Variants in PRSS41 observed in about 807,000 individuals in gnomAD.
PRSS41 encodes serine protease 41.
A neutral mutation model predicts 28.8 loss-of-function variants in PRSS41; 37 were observed. The ratio of observed to expected loss-of-function variants is 1.29; its 90% confidence interval spans 0.99 to 1.69. The LOEUF is 1.69. PRSS41 is among the 40% of genes most tolerant of loss of function. The pLI, the probability that PRSS41 is intolerant of heterozygous loss-of-function variation, is 0.00. For missense variants in PRSS41, 431 were observed against 400.7 expected (o/e 1.08, Z -0.65); for synonymous variants, 195 against 163.1 (o/e 1.20, Z -1.49).
At chr16:2,799,519 A>G (rs1450624801) in exon 4 of PRSS41, 4 of 1,551,820 alleles carry the variant, frequency 2.6e-6, no homozygotes, top group East Asian at 2.4e-5. Flanking sequence ...AACTTCGTGC[A>G]CCGGCCGGAC....
exon 5 of PRSS41, chr16:2,804,487 A>G (rs2069007940): frequency 6.4e-7 from 1 of 1,551,580 alleles, no homozygotes; most frequent in South Asian, 1.2e-5. Flanking sequence ...TAGCCGTAGT[A>G]TGATCTGGGA....
chr16:2,799,616 G>A, intron 4 of PRSS41, 47 bp downstream of exon 4: 1 of 1,528,554 alleles, frequency 6.5e-7, no homozygotes, highest in Non-Finnish European at 8.8e-7. Context: ...TGCGGGGTGA[G>A]CATTACCCTC....
At chr16:2,799,063 C>G (rs922319711) in exon 3 of PRSS41, 7 of 1,533,786 alleles carry the variant, frequency 4.6e-6, no homozygotes, top group Non-Finnish European at 6.1e-6. Flanking sequence ...GAGACGCCAC[C>G]GATGTGGAGG....
intron 4 of PRSS41, among the ~76,000 whole-genome samples, chr16:2,800,542 C>CAAAAAAAAAAAA (rs56393015): frequency 1.2e-5 from 1 of 81,950 alleles, no homozygotes; most frequent in Non-Finnish European, 2.7e-5. Flanking sequence ...GACTCCATCT[C>CAAAAAAAAAAAA]AAAAAAAAAA....
In PRSS41 at chr16:2,804,457, T is replaced by A. The variant is rs150587284; in HGVS notation, c.610T>A (p.Tyr204Asn). The change falls in exon 5 of 6, where the codon TAC (tyrosine) becomes AAC (asparagine). Residue 204 changes from tyrosine (Y) to asparagine (N), a missense_variant. By Grantham distance (143) the Tyr-to-Asn change is moderately radical. Transcript: ENST00000399677. The stretch of plus-strand genomic sequence containing the variant: ...CATCTTAAACAACACCAGGTGTAAT[T>A]ACCTGTTTGAACAGCCCTCTAGCCG... 1.3e-4 allele frequency: 202 copies of A among 1,551,638 alleles called. No homozygotes were observed. In the African/African-American group the frequency reaches 2.5e-3, roughly 19 times the overall value.
At chr16:2,801,336 ATTTTTTT>A (rs777421981) in intron 4 of PRSS41, among the ~76,000 whole-genome samples, 1 of 138,834 alleles carries the variant, frequency 7.2e-6, no homozygotes, top group Non-Finnish European at 1.6e-5. Flanking sequence ...TTGGACTCTT[ATTTTTTT>A]TTTTAATTTT....
chr16:2,802,860 GGGGAGAGGGAGAGGGAGA>G lies in PRSS41; in HGVS notation c.542-1512_542-1495del, dbSNP rs373843276. ...CGGCTCCGCATGAGAGGGAGACCGT[GGGGAGAGGGAGAGGGAGA>G]GGGAGAGGGAGAGGGACGTTCTTGG... is the stretch of plus-strand genomic sequence containing the variant. On this transcript the variant is annotated intron_variant, in intron 4 of 5. Coordinates refer to ENST00000399677, the Ensembl canonical transcript of PRSS41. 3.9e-3 allele frequency among the ~76,000 whole-genome samples: 578 copies of G among 150,074 alleles called. 4 individuals carry two copies. Among genetic ancestry groups the G allele is most frequent in the African/African-American group, 0.014 (548 of 40,380 alleles).
At chr16:2,802,760 A>G (rs1031888875) in intron 4 of PRSS41, among the ~76,000 whole-genome samples, 14 of 152,152 alleles carry the variant, frequency 9.2e-5, no homozygotes, top group East Asian at 3.9e-4. Flanking sequence ...AATCGCAGGC[A>G]CTCGGCAGGC....
chr16:2,798,854 C>T, intron 2 of PRSS41, 105 bp from the exon 3 acceptor site: 2 of 1,338,678 alleles, frequency 1.5e-6, no homozygotes, highest in Non-Finnish European at 1.9e-6. Flanking sequence ...GCGCGGTTCC[C>T]CGGGGAGCCC....
chr16:2,799,141 G>GC lies in PRSS41; in HGVS notation c.257+19dup. The GC allele has an allele frequency of 6.6e-7, 1 of 1,508,528 alleles. No homozygotes were observed. Among genetic ancestry groups the GC allele is most frequent in the South Asian group, 1.3e-5 (1 of 79,224 alleles). The allele number at this position is 1,508,528 out of a possible 1,614,324, so 93.4% of individuals were successfully genotyped here. A position where few individuals can be genotyped will look rare whatever the true frequency, so the allele number is the denominator to read the frequency against. On this transcript the variant is annotated intron_variant, in intron 3 of 5. Coordinates refer to ENST00000399677, the Ensembl canonical transcript of PRSS41. ...CTTCCAAAAGTGAGTCTGGGGGGCG[G>GC]CCGGGGCCTCAGACTTGCTAATGGC...
At chr16:2,798,921 C>A (rs989483818) in intron 2 of PRSS41, 38 bp from the exon 3 acceptor site, 2 of 1,505,862 alleles carry the variant, frequency 1.3e-6, no homozygotes, top group Non-Finnish European at 1.8e-6. Flanking sequence ...CACCCCACCC[C>A]ACCCGGCAGC....
chr16:2,798,755 C>T, intron 2 of PRSS41, 93 bp downstream of exon 2: 5 of 1,278,866 alleles, frequency 3.9e-6, no homozygotes, highest in Non-Finnish European at 5.1e-6. Flanking sequence ...GTCCCGAGAA[C>T]GTGATGCTCT....
chr16:2,805,272 C>T lies in PRSS41; in HGVS notation c.*140C>T, dbSNP rs2069014571. The T allele has an allele frequency of 1.2e-5, 8 of 653,952 alleles. 1 individual carries two copies. The South Asian group carries it at 1.5e-4, about 13-fold the overall frequency. The allele number at this position is 653,952 out of a possible 1,614,324, so 40.5% of individuals were successfully genotyped here. On this transcript the variant is annotated 3_prime_UTR_variant, in exon 6 of 6. Coordinates refer to ENST00000399677, the Ensembl canonical transcript of PRSS41. ...TGGATCAGATTCCGGCCCCTTTTGT[C>T]TCGTTTGCTAATAAATACGTGTGCA...
In PRSS41 at chr16:2,799,143, C is replaced by CG; in HGVS notation, c.257+23dup. The CG allele has an allele frequency of 3.3e-6, 5 of 1,507,554 alleles. No individual in the cohort carries two copies. The highest frequency in any genetic ancestry group is 4.4e-6 in the Non-Finnish European group (5 of 1,130,844). 93.4% of individuals were successfully genotyped at this position (1,507,554 alleles called of 1,614,324 possible). ...TCCAAAAGTGAGTCTGGGGGGCGGCCGGGGCCTCAGACTTGCTAATGGCCT... is the reference window on the plus strand; with the variant it reads ...TCCAAAAGTGAGTCTGGGGGGCGGCCGGGGGCCTCAGACTTGCTAATGGCCT... On this transcript the variant is annotated intron_variant, in intron 3 of 5. Transcript: ENST00000399677.
chr16:2,800,976 C>A (rs568492951), intron 4 of PRSS41, among the ~76,000 whole-genome samples: 107 of 152,088 alleles, frequency 7.0e-4, no homozygotes, highest in Admixed American at 1.6e-3. Flanking sequence ...GGTCTAGATT[C>A]TTTCATATAA....
At chr16:2,799,600 TG>T in intron 4 of PRSS41, 31 bp downstream of exon 4, 1 of 1,547,092 alleles carries the variant, frequency 6.5e-7, no homozygotes, top group Non-Finnish European at 8.7e-7. Flanking sequence ...GGTGGGGTGA[TG>T]GGGGTGCGGG....
Position 2,798,620 on chromosome 16 carries a change from T to A in PRSS41, c.65-16T>A, listed in dbSNP as rs1361557209. On this transcript the variant is annotated splice_polypyrimidine_tract_variant and intron_variant, in intron 1 of 5. Transcript: ENST00000399677. ...GGGAGGTGGAGGCCGCGAGGGTCACTTCTTGTGTCCTGCAGAGTCGCAGGA... is the reference window on the plus strand; with the variant it reads ...GGGAGGTGGAGGCCGCGAGGGTCACATCTTGTGTCCTGCAGAGTCGCAGGA... 6 of 1,520,566 alleles carry A rather than the reference T, an allele frequency of 3.9e-6. No homozygotes were observed. The highest frequency in any genetic ancestry group is 2.6e-6 in the Non-Finnish European group (3 of 1,137,090). 94.2% of individuals were successfully genotyped at this position (1,520,566 alleles called of 1,614,324 possible).
chr16:2,804,310 C>T, intron 4 of PRSS41, 79 bp from the exon 5 acceptor site: 1 of 1,486,876 alleles, frequency 6.7e-7, no homozygotes, highest in Non-Finnish European at 9.1e-7. Context: ...ACCCCTATAA[C>T]ACATGCCCTT....
chr16:2,801,978 C>T, intron 4 of PRSS41, among the ~76,000 whole-genome samples: 1 of 149,904 alleles, frequency 6.7e-6, no homozygotes, highest in East Asian at 2.1e-4. Flanking sequence ...GGCTGACCCC[C>T]CCACCTCCCT....
Sources: allele counts gnomAD v4.1 joint callset (sites outside exome capture counted in the v4.1 genomes callset), GRCh38; gene constraint gnomAD v4.1.1; transcripts MANE v1.5; gene names NCBI Gene and HGNC (gene_info 2026-07-23, HGNC 2026-07-21).